RNF150: variants seen among roughly 807,000 people sequenced by gnomAD.
RNF150 encodes the protein ring finger protein 150.
Under a neutral mutation model 39.3 loss-of-function variants are expected in RNF150, and 24 were observed. The observed-to-expected ratio is 0.61, with a 90% CI of 0.44 to 0.86. The LOEUF (loss-of-function observed/expected upper bound fraction) is 0.86, where lower values mean the gene tolerates loss of function less well. Ranked by LOEUF, RNF150 falls within the 40% of genes least tolerant of loss-of-function variation. RNF150 has a pLI of 0.00. For synonymous variants in RNF150, 255 were observed against 227.3 expected (o/e 1.12, Z -1.10); for missense variants, 502 against 587.8 (o/e 0.85, Z 1.51).
At chr4:141,048,109 G>C (rs114631794) in intron 1 of RNF150, among the ~76,000 whole-genome samples, 1 of 152,246 alleles carries the variant, frequency 6.6e-6, no homozygotes, top group African/African-American at 2.4e-5. Flanking sequence ...CTGCCTAACC[G>C]AAATTCAAGG....
intron 1 of RNF150, among the ~76,000 whole-genome samples, chr4:141,014,333 T>C (rs1176591990): frequency 6.6e-6 from 1 of 152,258 alleles, no homozygotes; most frequent in African/African-American, 2.4e-5. Context: ...CACATACTTA[T>C]TTCCGTTCCT....
intron 1 of RNF150, among the ~76,000 whole-genome samples, chr4:141,143,302 C>G (rs1727151220): frequency 6.6e-6 from 1 of 152,140 alleles, no homozygotes; most frequent in South Asian, 2.1e-4. Flanking sequence ...AAATACTGAA[C>G]TTTATTCTCA....
chr4:141,212,230 C>T (rs1056091200), intron 1 of RNF150, among the ~76,000 whole-genome samples: 3 of 152,168 alleles, frequency 2.0e-5, no homozygotes, highest in African/African-American at 7.2e-5. Flanking sequence ...CGGGTAGCAA[C>T]AAAAGGAACT....
intron 2 of RNF150, among the ~76,000 whole-genome samples, chr4:140,957,127 A>C (rs1473229643): frequency 5.3e-5 from 8 of 150,794 alleles, no homozygotes; most frequent in Admixed American, 1.3e-4. Context: ...CAACCTACAA[A>C]ATGGGAGAAA....
intron 6 of RNF150, among the ~76,000 whole-genome samples, chr4:140,877,800 AGAGGATTCAT>A (rs1401617680): frequency 6.6e-6 from 1 of 152,252 alleles, no homozygotes; most frequent in African/African-American, 2.4e-5. Flanking sequence ...TGGGTAACCA[AGAGGATTCAT>A]GAAGTAGGTT....
At chr4:141,042,446 A>G (rs1041041887) in intron 1 of RNF150, among the ~76,000 whole-genome samples, 1 of 152,098 alleles carries the variant, frequency 6.6e-6, no homozygotes, top group African/African-American at 2.4e-5. Context: ...ACATTCTAAA[A>G]TTTCAACTAG....
At chr4:141,071,383 T>TA (rs149908004) in intron 1 of RNF150, among the ~76,000 whole-genome samples, 9,693 of 150,664 alleles carry the variant, frequency 0.064, 324 homozygotes, top group African/African-American at 0.087. Flanking sequence ...AAAGTATAAT[T>TA]AAAAAAAAAT....
intron 1 of RNF150, among the ~76,000 whole-genome samples, chr4:141,088,716 G>C (rs1002545493): frequency 7.1e-6 from 1 of 140,498 alleles, no homozygotes; most frequent in African/African-American, 2.6e-5. Context: ...CACTTGAAAA[G>C]AGAGTAGAGG....
At chr4:140,993,858 T>C (rs1230686478) in intron 1 of RNF150, among the ~76,000 whole-genome samples, 1 of 152,120 alleles carries the variant, frequency 6.6e-6, no homozygotes, top group African/African-American at 2.4e-5. Flanking sequence ...AGAGAGATCT[T>C]GGGGAGAGAA....
At chr4:141,198,693 AT>A (rs1490955723) in intron 1 of RNF150, among the ~76,000 whole-genome samples, 1 of 152,218 alleles carries the variant, frequency 6.6e-6, no homozygotes, top group East Asian at 1.9e-4. Flanking sequence ...GAGCTCACTG[AT>A]TTTTAAAAAG....
chr4:141,032,746 A>G (rs1284460295), intron 1 of RNF150, among the ~76,000 whole-genome samples: 1 of 152,170 alleles, frequency 6.6e-6, no homozygotes, highest in Non-Finnish European at 1.5e-5. Context: ...AATAAGGTAA[A>G]TATCACAATA....
At chr4:140,904,180 G>A (rs1460690733) in intron 6 of RNF150, among the ~76,000 whole-genome samples, 1 of 152,194 alleles carries the variant, frequency 6.6e-6, no homozygotes, top group Non-Finnish European at 1.5e-5. Flanking sequence ...CAGAAGCAAG[G>A]GGGTGATGTT....
At chr4:141,098,234 G>A (rs1738873934) in intron 1 of RNF150, among the ~76,000 whole-genome samples, 1 of 152,206 alleles carries the variant, frequency 6.6e-6, no homozygotes, top group Non-Finnish European at 1.5e-5. Flanking sequence ...AATGTGATAA[G>A]CAGAAGCAAC....
intron 4 of RNF150, among the ~76,000 whole-genome samples, chr4:140,935,047 ATATATATAT>A (rs1165306401): frequency 2.1e-3 from 12 of 5,630 alleles, no homozygotes; most frequent in Non-Finnish European, 6.0e-3. Flanking sequence ...ATATATATAA[ATATATATAT>A]TATATATATA....
chr4:140,949,683 C>CCA (rs1553994655), intron 2 of RNF150, among the ~76,000 whole-genome samples: 2 of 148,202 alleles, frequency 1.3e-5, no homozygotes, highest in Non-Finnish European at 3.0e-5. Flanking sequence ...TACCCCCCCC[C>CCA]AAAAAAAAAT....
chr4:140,974,243 G>T (rs7690780), intron 1 of RNF150, among the ~76,000 whole-genome samples: 38,008 of 151,972 alleles, frequency 0.25, 5,132 homozygotes, highest in African/African-American at 0.34. Flanking sequence ...GTTTTAGAAT[G>T]TTACATAAAC....
At chr4:141,065,945 C>A (rs1578687937) in intron 1 of RNF150, among the ~76,000 whole-genome samples, 1 of 151,978 alleles carries the variant, frequency 6.6e-6, no homozygotes, top group South Asian at 2.1e-4. Context: ...GCAGTAAAAT[C>A]AGAAAAGGCT....
chr4:140,966,783 T>C (rs1004851801), intron 2 of RNF150, among the ~76,000 whole-genome samples: 14 of 152,200 alleles, frequency 9.2e-5, no homozygotes, highest in African/African-American at 3.4e-4. Flanking sequence ...GCAGTATCTA[T>C]CATAGTCTAA....
intron 1 of RNF150, among the ~76,000 whole-genome samples, chr4:141,086,285 A>G (rs1445837063): frequency 6.6e-6 from 1 of 152,162 alleles, no homozygotes; most frequent in East Asian, 1.9e-4. Flanking sequence ...TCCTACTATA[A>G]GTATAGATTT....
Sources: gnomAD v4.1 joint callset for allele counts (sites outside exome capture counted in the v4.1 genomes callset) on GRCh38, gnomAD v4.1.1 for gene constraint, MANE v1.5 for transcripts, NCBI Gene and HGNC (gene_info 2026-07-23, HGNC 2026-07-21) for gene names.